Variants in ASIC2 observed in about 807,000 individuals in gnomAD.
ASIC2 encodes the protein acid sensing ion channel subunit 2.
Under a neutral mutation model 57.3 loss-of-function variants are expected in ASIC2, and 25 were observed. The observed-to-expected ratio is 0.44, with a 90% CI of 0.32 to 0.61. ASIC2 has a LOEUF of 0.61. ASIC2 is among the 20% of genes least tolerant of loss of function. The pLI, the probability that ASIC2 is intolerant of heterozygous loss-of-function variation, is 0.06. For synonymous variants in ASIC2, 319 were observed against 307.5 expected (o/e 1.04, Z -0.39); for missense variants, 641 against 738.1 (o/e 0.87, Z 1.52).
chr17:34,124,316 C>A (rs888948859), intron 1 of ASIC2, among the ~76,000 whole-genome samples: 1 of 150,194 alleles, frequency 6.7e-6, no homozygotes, highest in Non-Finnish European at 1.5e-5. Context: ...TTAAAGGCTG[C>A]TTCACGCACC....
intron 1 of ASIC2, among the ~76,000 whole-genome samples, chr17:33,986,266 T>G (rs933253063): frequency 6.6e-6 from 1 of 151,778 alleles, no homozygotes; most frequent in Non-Finnish European, 1.5e-5. Context: ...TACTAGATAC[T>G]CTAAATATTT....
At chr17:34,117,525 C>T (rs1240079179) in intron 1 of ASIC2, among the ~76,000 whole-genome samples, 1 of 152,104 alleles carries the variant, frequency 6.6e-6, no homozygotes, top group Non-Finnish European at 1.5e-5. Context: ...GCATGGGTCT[C>T]GTGGGATGTG....
intron 3 of ASIC2, among the ~76,000 whole-genome samples, chr17:33,068,750 CT>C (rs1334623637): frequency 1.3e-5 from 2 of 152,058 alleles, no homozygotes; most frequent in African/African-American, 2.4e-5. Flanking sequence ...TCTGATCATT[CT>C]GGTTAGAGGT....
chr17:33,840,213 G>A, intron 1 of ASIC2, among the ~76,000 whole-genome samples: 1 of 152,176 alleles, frequency 6.6e-6, no homozygotes, highest in Non-Finnish European at 1.5e-5. Flanking sequence ...TCTAGTGGGA[G>A]GAGAGATAAG....
Position 33,024,493 on chromosome 17 carries a change from C to T in ASIC2, c.1196-479G>A, listed in dbSNP as rs147660651. Among the ~76,000 whole-genome samples, 422 of 152,318 alleles carry T rather than the reference C, an allele frequency of 2.8e-3. 2 individuals are homozygous for T. Among genetic ancestry groups the T allele is most frequent in the African/African-American group, 9.8e-3 (409 of 41,580 alleles). The stretch of plus-strand genomic sequence containing the variant: ...AGGCAAAGTTCCTTCATTTCTTTCC[C>T]TGGAGGCAACTCCCTGCATCTGGAA... On this transcript the variant is annotated intron_variant, in intron 5 of 9. Coordinates refer to ENST00000225823, the MANE Select transcript of ASIC2 (RefSeq NM_183377.2).
chr17:33,676,970 A>T (rs1907841970), intron 1 of ASIC2, among the ~76,000 whole-genome samples: 1 of 152,100 alleles, frequency 6.6e-6, no homozygotes, highest in South Asian at 2.1e-4. Flanking sequence ...CCCCCATGCC[A>T]CTGCCTCGCT....
chr17:33,896,447 A>G (rs749556957), intron 1 of ASIC2, among the ~76,000 whole-genome samples: 4 of 152,230 alleles, frequency 2.6e-5, no homozygotes, highest in Non-Finnish European at 4.4e-5. Context: ...CAGAGAGTCT[A>G]GCGACTCCGC....
chr17:33,729,084 C>T (rs1909654504), intron 1 of ASIC2, among the ~76,000 whole-genome samples: 1 of 152,092 alleles, frequency 6.6e-6, no homozygotes, highest in Admixed American at 6.5e-5. Flanking sequence ...TGAAGAAATA[C>T]CTGAGGTTGG....
intron 1 of ASIC2, among the ~76,000 whole-genome samples, chr17:33,490,756 T>C (rs1339734888): frequency 6.6e-6 from 1 of 152,210 alleles, no homozygotes; most frequent in Non-Finnish European, 1.5e-5. Flanking sequence ...TTATTAGCAG[T>C]GTGAGAACAG....
At chr17:33,425,289 G>A (rs1911178366) in intron 1 of ASIC2, among the ~76,000 whole-genome samples, 1 of 152,174 alleles carries the variant, frequency 6.6e-6, no homozygotes, top group Non-Finnish European at 1.5e-5. Context: ...ATTCAGAGAA[G>A]AAAGAAAGGA....
chr17:33,381,178 T>C (rs1017781819), intron 1 of ASIC2, among the ~76,000 whole-genome samples: 1 of 152,212 alleles, frequency 6.6e-6, no homozygotes, highest in African/African-American at 2.4e-5. Flanking sequence ...CAGACATTAA[T>C]GTTGTTCAGA....
At chr17:33,056,453 C>A (rs755165773) in intron 3 of ASIC2, among the ~76,000 whole-genome samples, 2 of 152,158 alleles carry the variant, frequency 1.3e-5, no homozygotes, top group African/African-American at 4.8e-5. Flanking sequence ...CAGCCACCCC[C>A]CTCCCTGGCC....
At chr17:33,096,814 A>T (rs1453678923) in intron 2 of ASIC2, among the ~76,000 whole-genome samples, 2 of 152,182 alleles carry the variant, frequency 1.3e-5, no homozygotes, top group Non-Finnish European at 2.9e-5. Context: ...ATCCGGGAGA[A>T]AGTGTTCCAG....
chr17:33,750,850 G>T (rs1910408730), intron 1 of ASIC2, among the ~76,000 whole-genome samples: 1 of 152,094 alleles, frequency 6.6e-6, no homozygotes, highest in East Asian at 1.9e-4. Context: ...TGGGGAGAAG[G>T]GGGTGATTCA....
At chr17:33,230,813 G>A (rs1305835568) in intron 1 of ASIC2, among the ~76,000 whole-genome samples, 1 of 152,120 alleles carries the variant, frequency 6.6e-6, no homozygotes, top group Admixed American at 6.5e-5. Context: ...GCCCATCTGC[G>A]CAAGGTTAAT....
chr17:33,978,266 G>A lies in ASIC2; in HGVS notation c.555+177712C>T, dbSNP rs59631664. Among the ~76,000 whole-genome samples the A allele has an allele frequency of 1.2e-3, 186 of 152,232 alleles. 1 individual carries two copies. In the East Asian group the frequency reaches 0.021, roughly 17 times the overall value. ...CCTAAGTTTTTGTCCCAATGTTTCC[G>A]TGAAGGCAGAGAGAGGAGCTATTTG... On this transcript the variant is annotated intron_variant, in intron 1 of 9. Transcript: ENST00000359872.
At chr17:33,633,362 C>T (rs895555665) in intron 1 of ASIC2, among the ~76,000 whole-genome samples, 5 of 152,188 alleles carry the variant, frequency 3.3e-5, no homozygotes, top group African/African-American at 9.7e-5. Flanking sequence ...GGGCAGATCA[C>T]GAGTGGACTC....
At chr17:34,098,214 G>A (rs921791908) in intron 1 of ASIC2, among the ~76,000 whole-genome samples, 1 of 152,280 alleles carries the variant, frequency 6.6e-6, no homozygotes, top group Non-Finnish European at 1.5e-5. Flanking sequence ...TGCAGACAAA[G>A]CGCATGGAAG....
chr17:33,095,978 G>A (rs963207465), intron 2 of ASIC2, among the ~76,000 whole-genome samples: 7 of 152,180 alleles, frequency 4.6e-5, no homozygotes, highest in African/African-American at 1.7e-4. Context: ...ACTTATACCC[G>A]GCAGTGGCAT....
Sources: allele counts gnomAD v4.1 joint callset (sites outside exome capture counted in the v4.1 genomes callset), GRCh38; gene constraint gnomAD v4.1.1; transcripts MANE v1.5; gene names NCBI Gene and HGNC (gene_info 2026-07-23, HGNC 2026-07-21).